Variants in ADGRL2 observed in about 807,000 individuals in gnomAD.
ADGRL2 encodes adhesion G protein-coupled receptor L2, also known as calcium-independent alpha-latrotoxin receptor 2.
In ADGRL2, 44 loss-of-function variants were observed where a neutral mutation model predicts 157.4. That is an observed-to-expected ratio of 0.28 (90% CI 0.22 to 0.36). ADGRL2 has a LOEUF of 0.36. ADGRL2 is among the 10% of genes least tolerant of loss of function. The probability of loss-of-function intolerance (pLI) is 1.00; values close to 1 mark genes in which losing one functional copy is unlikely to be tolerated. For missense variants in ADGRL2, 1,510 were observed against 1,768.9 expected (o/e 0.85, Z 2.63); for synonymous variants, 585 against 624.7 (o/e 0.94, Z 0.95).
chr1:81,545,119 A>G (rs924953245), intron 2 of ADGRL2, among the ~76,000 whole-genome samples: 1 of 152,168 alleles, frequency 6.6e-6, no homozygotes, highest in Non-Finnish European at 1.5e-5. Context: ...AGGGCTCGAC[A>G]TTTATTTCTT....
intron 1 of ADGRL2, among the ~76,000 whole-genome samples, chr1:81,400,109 G>A (rs1427473185): frequency 6.6e-6 from 1 of 152,086 alleles, no homozygotes; most frequent in East Asian, 1.9e-4. Context: ...CAGTGGTGCT[G>A]GTAGCATAGG....
At chr1:81,737,654 A>T (rs1186687113) in intron 1 of ADGRL2, among the ~76,000 whole-genome samples, 1 of 152,148 alleles carries the variant, frequency 6.6e-6, no homozygotes, top group African/African-American at 2.4e-5. Flanking sequence ...TCGTGTATTT[A>T]TATATTTTAA....
intron 3 of ADGRL2, among the ~76,000 whole-genome samples, chr1:81,685,623 T>C (rs1019430863): frequency 2.2e-4 from 34 of 152,178 alleles, no homozygotes; most frequent in African/African-American, 8.0e-4. Flanking sequence ...GGATGCCCTT[T>C]ATTTCTTTCT....
chr1:81,721,326 G>T (rs1227388049), intron 1 of ADGRL2, among the ~76,000 whole-genome samples: 1 of 151,994 alleles, frequency 6.6e-6, no homozygotes, highest in Non-Finnish European at 1.5e-5. Context: ...TGGTATCAAA[G>T]AGATAACCAC....
At chr1:81,396,994 T>C (rs984945098) in intron 1 of ADGRL2, among the ~76,000 whole-genome samples, 2 of 152,218 alleles carry the variant, frequency 1.3e-5, no homozygotes, top group Non-Finnish European at 2.9e-5. Context: ...CCTCATACAG[T>C]GATTTTGAAA....
chr1:81,764,102 G>A (rs1418056168), intron 2 of ADGRL2, among the ~76,000 whole-genome samples: 3 of 147,204 alleles, frequency 2.0e-5, no homozygotes, highest in Non-Finnish European at 4.4e-5. Flanking sequence ...TGAGGCAGAA[G>A]AATCACGTGA....
intron 2 of ADGRL2, chr1:81,502,266 C>T: frequency 6.8e-6 from 11 of 1,613,710 alleles, no homozygotes; most frequent in Non-Finnish European, 9.3e-6. Context: ...AAAGATGCTT[C>T]CAAGGCCTCA....
chr1:81,831,405 G>A (rs1335130519), intron 1 of ADGRL2, among the ~76,000 whole-genome samples: 2 of 152,056 alleles, frequency 1.3e-5, no homozygotes, highest in Non-Finnish European at 2.9e-5. Context: ...AAATCAACTC[G>A]CTATTCTTTT....
intron 2 of ADGRL2, among the ~76,000 whole-genome samples, chr1:81,515,917 G>T (rs930398290): frequency 2.8e-4 from 41 of 148,228 alleles, no homozygotes; most frequent in African/African-American, 1.1e-3. Context: ...ATAGTTCATT[G>T]TTTGAGTGAA....
At position 81,803,315 on chromosome 1, in the gene ADGRL2, G is replaced by T. The variant is rs369928614; in HGVS notation, c.-101+2247G>T. Among the ~76,000 whole-genome samples, 32 of 152,222 alleles carry T rather than the reference G, an allele frequency of 2.1e-4. No individual in the cohort carries two copies. In the East Asian group the frequency reaches 6.1e-3, roughly 29 times the overall value. On this transcript the variant is annotated intron_variant, in intron 1 of 23. Coordinates refer to ENST00000686636, the MANE Select transcript of ADGRL2 (RefSeq NM_001366006.2). ...CAGCAGTGTGGAGGTGCGCCTGCGA[G>T]ACTTCTGCGCTTGGGACCCGTAAAG...
At chr1:81,612,045 G>T (rs556950520) in intron 3 of ADGRL2, among the ~76,000 whole-genome samples, 12 of 152,250 alleles carry the variant, frequency 7.9e-5, no homozygotes, top group African/African-American at 2.9e-4. Flanking sequence ...ACCAAATTAT[G>T]AGTCAATTAA....
intron 1 of ADGRL2, among the ~76,000 whole-genome samples, chr1:81,390,338 T>C (rs1323899455): frequency 2.6e-5 from 4 of 152,304 alleles, no homozygotes; most frequent in Non-Finnish European, 5.9e-5. Flanking sequence ...TTCTACTGAC[T>C]GAAGAAACTT....
At chr1:81,862,028 G>A (rs1028872310) in intron 2 of ADGRL2, among the ~76,000 whole-genome samples, 16 of 152,036 alleles carry the variant, frequency 1.1e-4, no homozygotes, top group Admixed American at 2.6e-4. Context: ...GAATGCGGCC[G>A]AAGATACTTT....
At chr1:81,833,322 TTC>T (rs1186063004) in intron 1 of ADGRL2, among the ~76,000 whole-genome samples, 2 of 152,236 alleles carry the variant, frequency 1.3e-5, no homozygotes, top group Non-Finnish European at 2.9e-5. Context: ...TCTTTTCCTG[TTC>T]TCTTCATGTT....
intron 1 of ADGRL2, among the ~76,000 whole-genome samples, chr1:81,383,808 CAAAAAAA>C (rs56660027): frequency 0.029 from 2,997 of 104,304 alleles, 122 homozygotes; most frequent in African/African-American, 0.1. Context: ...ACTAAAAATA[CAAAAAAA>C]AAAAAAAAAA....
At chr1:81,781,434 T>A (rs964495850) in intron 2 of ADGRL2, among the ~76,000 whole-genome samples, 3 of 152,182 alleles carry the variant, frequency 2.0e-5, no homozygotes, top group Non-Finnish European at 4.4e-5. Flanking sequence ...GAAAAGGTTT[T>A]TCAGCTAAAA....
At chr1:81,680,332 G>C (rs200356459) in intron 3 of ADGRL2, among the ~76,000 whole-genome samples, 2 of 152,280 alleles carry the variant, frequency 1.3e-5, no homozygotes, top group East Asian at 3.9e-4. Flanking sequence ...GTTGACAGTT[G>C]CAAAGCAGGT....
intron 2 of ADGRL2, among the ~76,000 whole-genome samples, chr1:81,852,661 C>T (rs938905610): frequency 1.3e-5 from 2 of 151,980 alleles, no homozygotes; most frequent in African/African-American, 4.8e-5. Flanking sequence ...TTAGCATTTG[C>T]AAGTGTATAT....
At chr1:81,496,463 G>T (rs980568482) in intron 2 of ADGRL2, among the ~76,000 whole-genome samples, 1 of 152,082 alleles carries the variant, frequency 6.6e-6, no homozygotes, top group Non-Finnish European at 1.5e-5. Context: ...AATTCACCTA[G>T]TGACCACCTC....
Sources: allele counts gnomAD v4.1 joint callset (sites outside exome capture counted in the v4.1 genomes callset), GRCh38; gene constraint gnomAD v4.1.1; transcripts MANE v1.5; gene names NCBI Gene and HGNC (gene_info 2026-07-23, HGNC 2026-07-21).